Variants in PDE11A observed in about 807,000 individuals in gnomAD.
The protein encoded by PDE11A is phosphodiesterase 11A.
In PDE11A, 100 loss-of-function variants were observed where a neutral mutation model predicts 100.5. The observed-to-expected ratio is 1.00, with a 90% CI of 0.85 to 1.18. The LOEUF is 1.18. Among genes scored for constraint, PDE11A ranks in the 50% most tolerant of loss-of-function variants. The pLI is 0.00. For missense variants in PDE11A, 1,141 were observed against 1,152.6 expected (o/e 0.99, Z 0.15); for synonymous variants, 381 against 420.8 (o/e 0.91, Z 1.16).
intron 2 of PDE11A, among the ~76,000 whole-genome samples, chr2:177,993,936 A>T (rs2086036563): frequency 7.1e-6 from 1 of 141,054 alleles, no homozygotes; most frequent in Admixed American, 7.3e-5. Flanking sequence ...GCAAATGTAA[A>T]TTTTTTTTTT....
chr2:177,659,960 C>G (rs1011138771), intron 19 of PDE11A, among the ~76,000 whole-genome samples: 1 of 152,172 alleles, frequency 6.6e-6, no homozygotes, highest in African/African-American at 2.4e-5. Flanking sequence ...TTTGATGGTT[C>G]CCTGCCCACT....
At chr2:177,956,183 A>G (rs1177692795) in intron 2 of PDE11A, among the ~76,000 whole-genome samples, 76 of 152,270 alleles carry the variant, frequency 5.0e-4, no homozygotes, top group East Asian at 5.8e-4. Context: ...TAATATCCAG[A>G]ATCTACAATG....
chr2:177,902,612 T>C (rs1215694591), intron 3 of PDE11A, among the ~76,000 whole-genome samples: 3 of 152,224 alleles, frequency 2.0e-5, no homozygotes, highest in Non-Finnish European at 4.4e-5. Flanking sequence ...CATTCTCTTA[T>C]CTACATATTC....
chr2:178,059,040 T>C (rs1331175764), intron 1 of PDE11A, among the ~76,000 whole-genome samples: 2 of 152,224 alleles, frequency 1.3e-5, no homozygotes, highest in Non-Finnish European at 2.9e-5. Context: ...AGTCATTATC[T>C]TGAAATTCTT....
At chr2:177,762,511 G>A (rs1574116230) in intron 10 of PDE11A, among the ~76,000 whole-genome samples, 1 of 152,260 alleles carries the variant, frequency 6.6e-6, no homozygotes, top group East Asian at 1.9e-4. Flanking sequence ...ATCTCACTGG[G>A]CCACACTGTT....
At chr2:177,725,791 A>G (rs2081591546) in intron 12 of PDE11A, among the ~76,000 whole-genome samples, 1 of 152,114 alleles carries the variant, frequency 6.6e-6, no homozygotes, top group African/African-American at 2.4e-5. Context: ...GTCCACTGTG[A>G]CCCTGCTGCT....
At chr2:177,714,687 G>A (rs925516497) in intron 12 of PDE11A, among the ~76,000 whole-genome samples, 5 of 152,120 alleles carry the variant, frequency 3.3e-5, no homozygotes, top group African/African-American at 7.2e-5. Context: ...ATCATTCACC[G>A]CTGAGCCAAC....
chr2:178,071,217 G>A (rs1055468509), intron 1 of PDE11A, among the ~76,000 whole-genome samples: 3 of 152,160 alleles, frequency 2.0e-5, no homozygotes, highest in African/African-American at 7.2e-5. Flanking sequence ...ATTAAAGAGA[G>A]GAGGAGGGAG....
chr2:177,796,973 C>T (rs1192287253), intron 9 of PDE11A: 2 of 152,170 alleles, frequency 1.3e-5, no homozygotes, highest in Non-Finnish European at 2.9e-5. Flanking sequence ...GAAACAGTTT[C>T]CTTACTGACA....
chr2:177,829,173 G>A (rs529563638), intron 6 of PDE11A, among the ~76,000 whole-genome samples: 11 of 152,208 alleles, frequency 7.2e-5, no homozygotes, highest in Admixed American at 4.6e-4. Flanking sequence ...TAGAGATATG[G>A]AAACAGAGAG....
chr2:177,925,754 A>C (rs573635330), intron 2 of PDE11A, among the ~76,000 whole-genome samples: 1 of 152,256 alleles, frequency 6.6e-6, no homozygotes, highest in African/African-American at 2.4e-5. Context: ...TACATTATGC[A>C]GTCTTTTCTT....
chr2:177,883,986 T>C (rs546611694), intron 4 of PDE11A, among the ~76,000 whole-genome samples: 1 of 152,336 alleles, frequency 6.6e-6, no homozygotes, highest in South Asian at 2.1e-4. Context: ...TTAAATCTTC[T>C]GCTCATACCT....
At chr2:178,041,535 C>A (rs562708460) in intron 1 of PDE11A, among the ~76,000 whole-genome samples, 1 of 152,176 alleles carries the variant, frequency 6.6e-6, no homozygotes, top group South Asian at 2.1e-4. Flanking sequence ...CCATCGCACC[C>A]GGCCAGAAAA....
chr2:177,691,164 C>T (rs574315858), intron 15 of PDE11A, among the ~76,000 whole-genome samples: 7 of 152,192 alleles, frequency 4.6e-5, no homozygotes, highest in Non-Finnish European at 7.4e-5. Context: ...TGAGATATAG[C>T]GTTATGTAAT....
intron 14 of PDE11A, among the ~76,000 whole-genome samples, chr2:177,699,809 T>C (rs1366096216): frequency 6.6e-6 from 1 of 152,164 alleles, no homozygotes; most frequent in Non-Finnish European, 1.5e-5. Context: ...GTTCCGTCAT[T>C]GATAGTCTCT....
chr2:177,686,697 A>ATTTTTTTT lies in PDE11A; in HGVS notation c.2346-5802_2346-5795dup, dbSNP rs202225715. On this transcript the variant is annotated intron_variant, in intron 15 of 19. Transcript: ENST00000286063. Reference sequence around the variant, plus strand: ...AAAGTTTAAACCAAAGTACATGTAAATTTTTTTTTTTTTTTTTTTTTTTTT... The same window carrying ATTTTTTTT: ...AAAGTTTAAACCAAAGTACATGTAAATTTTTTTTTTTTTTTTTTTTTTTTTTTTTTTTT... 8.3e-4 allele frequency: 103 copies of ATTTTTTTT among 124,032 alleles called. 1 individual carries two copies. The highest frequency in any genetic ancestry group is 3.2e-3 in the African/African-American group (100 of 31,126). The allele number at this position is 124,032 out of a possible 1,614,324, so 7.7% of individuals were successfully genotyped here. A position where few individuals can be genotyped will look rare whatever the true frequency, so the allele number is the denominator to read the frequency against.
chr2:178,043,098 A>C (rs1476597195), intron 1 of PDE11A, among the ~76,000 whole-genome samples: 1 of 152,228 alleles, frequency 6.6e-6, no homozygotes, highest in African/African-American at 2.4e-5. Flanking sequence ...TGGTTTATGC[A>C]GTGCAGTCTT....
chr2:177,676,409 G>A (rs1302490288), intron 16 of PDE11A, among the ~76,000 whole-genome samples: 2 of 152,218 alleles, frequency 1.3e-5, no homozygotes, highest in Non-Finnish European at 2.9e-5. Flanking sequence ...GGAAGAAAGG[G>A]GTATGCAACC....
chr2:177,825,307 C>G (rs1213324771), intron 6 of PDE11A, among the ~76,000 whole-genome samples: 1 of 152,074 alleles, frequency 6.6e-6, no homozygotes, highest in Non-Finnish European at 1.5e-5. Flanking sequence ...CAGAGGGTGT[C>G]TTTAAAGTGT....
Sources: allele counts gnomAD v4.1 joint callset (sites outside exome capture counted in the v4.1 genomes callset), GRCh38; gene constraint gnomAD v4.1.1; transcripts MANE v1.5; gene names NCBI Gene and HGNC (gene_info 2026-07-23, HGNC 2026-07-21).